CACNA1H: variants seen among roughly 807,000 people sequenced by gnomAD.
CACNA1H encodes calcium voltage-gated channel subunit alpha1 H, also known as voltage-dependent T-type calcium channel subunit alpha-1H.
Under a neutral mutation model 192.5 loss-of-function variants are expected in CACNA1H, and 149 were observed. That is an observed-to-expected ratio of 0.77 (90% CI 0.68 to 0.89). CACNA1H has a LOEUF of 0.89. Among genes scored for constraint, CACNA1H ranks in the 40% least tolerant of loss-of-function variants. The probability of loss-of-function intolerance (pLI) is 0.00; values close to 1 mark genes in which losing one functional copy is unlikely to be tolerated. For missense variants in CACNA1H, 4,257 were observed against 3,423.5 expected (o/e 1.24, Z -6.08); for synonymous variants, 2,202 against 1,475.2 (o/e 1.49, Z -11.29).
chr16:1,197,193 ACT>A (rs1967085913), intron 5 of CACNA1H, among the ~76,000 whole-genome samples: 1 of 152,018 alleles, frequency 6.6e-6, no homozygotes, highest in African/African-American at 2.4e-5. Context: ...ATACTGTGTG[ACT>A]CTGAGCAACT....
chr16:1,211,968 G>C lies in CACNA1H; in HGVS notation c.4589G>C (p.Trp1530Ser), dbSNP rs778555199. Residue 1530 changes from tryptophan to serine, a missense_variant, in exon 25 of 35, where the codon TGG (tryptophan) becomes TCG (serine). Coordinates refer to ENST00000348261, the MANE Select transcript of CACNA1H (RefSeq NM_021098.3). ...CAGCCTGTGCAGAACCACAACCCCT[G>C]GATGCTGCTGTACTTCATCTCCTTC... is the stretch of plus-strand genomic sequence containing the variant. ...DQQPVQNHNP[W>S]MLLYFISFLL... The C allele has an allele frequency of 3.7e-6, 6 of 1,613,494 alleles. No individual in the cohort carries two copies. Among genetic ancestry groups the C allele is most frequent in the Non-Finnish European group, 4.2e-6 (5 of 1,179,660 alleles).
intron 2 of CACNA1H, among the ~76,000 whole-genome samples, chr16:1,194,583 C>T (rs1446749077): frequency 6.6e-6 from 1 of 152,214 alleles, no homozygotes; most frequent in African/African-American, 2.4e-5. Flanking sequence ...CCTACAGCCC[C>T]CCAGCGCGGG....
rs534552228 is a variant in CACNA1H at position 1,165,914 on chromosome 16, C to T, written c.299+11878C>T. 3.0e-4 allele frequency among the ~76,000 whole-genome samples: 46 copies of T among 152,268 alleles called. No homozygotes were observed. The South Asian group carries it at 8.7e-3, about 29-fold the overall frequency. On this transcript the variant is annotated intron_variant, in intron 2 of 34. Coordinates refer to ENST00000348261, the MANE Select transcript of CACNA1H (RefSeq NM_021098.3). ...CCCCTGCTTGGGTGGTGTGTGGGGC[C>T]CGGCCCGGCCGTGTGGGGCAAGAGT...
intron 2 of CACNA1H, among the ~76,000 whole-genome samples, chr16:1,172,492 G>A (rs921686868): frequency 3.9e-5 from 6 of 152,192 alleles, no homozygotes; most frequent in Non-Finnish European, 7.4e-5. Context: ...GTCCCCAGCA[G>A]GACACGTAAG....
chr16:1,193,161 G>A (rs1966765108), intron 2 of CACNA1H, among the ~76,000 whole-genome samples: 2 of 152,222 alleles, frequency 1.3e-5, no homozygotes, highest in African/African-American at 4.8e-5. Flanking sequence ...CTCCCCGCCA[G>A]CCTGTTCCGT....
chr16:1,215,626 C>A lies in CACNA1H; in HGVS notation c.5244+33C>A, dbSNP rs1227091693. ...GAGCCCGCGCCATCCTCAGCGCAGGCCCCCGGAAGACGGGGTTGCAGGGAG... is the reference window on the plus strand; with the variant it reads ...GAGCCCGCGCCATCCTCAGCGCAGGACCCCGGAAGACGGGGTTGCAGGGAG... On this transcript the variant is annotated intron_variant, in intron 30 of 34. Transcript: ENST00000348261. 1.9e-6 allele frequency: 3 copies of A among 1,581,610 alleles called. No homozygotes were observed. In the East Asian group the frequency reaches 6.8e-5, roughly 36 times the overall value.
At chr16:1,199,996 G>A (rs1015084116) in intron 6 of CACNA1H, among the ~76,000 whole-genome samples, 1 of 152,104 alleles carries the variant, frequency 6.6e-6, no homozygotes, top group Non-Finnish European at 1.5e-5. Flanking sequence ...TGTGGACTTG[G>A]GCTGAGGAGA....
intron 10 of CACNA1H, 29 bp downstream of exon 10, chr16:1,204,487 C>A: frequency 6.7e-7 from 1 of 1,503,358 alleles, no homozygotes; most frequent in Non-Finnish European, 8.9e-7. Context: ...ACGGGGTGGG[C>A]TCCCTGTCAG....
chr16:1,201,161 G>A (rs1967836655), intron 8 of CACNA1H, among the ~76,000 whole-genome samples: 1 of 152,158 alleles, frequency 6.6e-6, no homozygotes, highest in South Asian at 2.1e-4. Context: ...GCAGAGTTGG[G>A]TTAATCAGGC....
rs766653951 is a variant in CACNA1H, at chr16:1,167,955, G to A, written c.299+13919G>A. Among the ~76,000 whole-genome samples, 7 of 152,332 alleles carry A rather than the reference G, an allele frequency of 4.6e-5. No individual in the cohort carries two copies. In the South Asian group the frequency reaches 6.2e-4, roughly 14 times the overall value. On this transcript the variant is annotated intron_variant, in intron 2 of 34. Coordinates refer to ENST00000348261, the MANE Select transcript of CACNA1H (RefSeq NM_021098.3). This position sits in a 1 kb window ranked among gnomAD's most constrained non-coding sequence, Gnocchi z 4.2. ...GCCTCAGGAGCCAGGCCTGTTCCCCGGGGCTGCCTGGAGGCGGCCGCTTGT... is the reference window on the plus strand; with the variant it reads ...GCCTCAGGAGCCAGGCCTGTTCCCCAGGGCTGCCTGGAGGCGGCCGCTTGT...
At chr16:1,160,755 C>T (rs1295040400) in intron 2 of CACNA1H, among the ~76,000 whole-genome samples, 5 of 152,174 alleles carry the variant, frequency 3.3e-5, no homozygotes, top group African/African-American at 4.8e-5. Flanking sequence ...CCTCCTTTGT[C>T]CTCTTGCTGC....
At chr16:1,216,860 G>T in intron 30 of CACNA1H, 72 bp from the exon 31 acceptor site, 1 of 1,254,590 alleles carries the variant, frequency 8.0e-7, no homozygotes, top group Non-Finnish European at 1.1e-6. Context: ...CCGAGGCGCC[G>T]AGTGCCCTGC....
At chr16:1,175,003 CAG>C (rs557015696) in intron 2 of CACNA1H, among the ~76,000 whole-genome samples, 98 of 146,830 alleles carry the variant, frequency 6.7e-4, no homozygotes, top group African/African-American at 2.3e-3. Context: ...TGGTGGGTCT[CAG>C]GGCTGCATGG....
At chr16:1,204,938 T>G (rs1455799068) in intron 10 of CACNA1H, among the ~76,000 whole-genome samples, 176 bp from the exon 11 acceptor site, 2 of 3,922 alleles carry the variant, frequency 5.1e-4, no homozygotes, top group Non-Finnish European at 1.0e-3. Context: ...CGGGGAGGGG[T>G]GGGAGCCGCG....
intron 2 of CACNA1H, among the ~76,000 whole-genome samples, chr16:1,193,492 C>G (rs1244172577): frequency 6.6e-6 from 1 of 152,266 alleles, no homozygotes. Flanking sequence ...AAGGCGCTCA[C>G]ACACTCTGGC....
At chr16:1,210,317 C>T in intron 18 of CACNA1H, 53 bp from the exon 19 acceptor site, 1 of 1,472,574 alleles carries the variant, frequency 6.8e-7, no homozygotes, top group South Asian at 1.2e-5. Flanking sequence ...CCCCCATCCA[C>T]TCTGCCATCC....
At chr16:1,201,523 G>A (rs1193723584) in intron 8 of CACNA1H, 140 bp from the exon 9 acceptor site, 4 of 1,039,616 alleles carry the variant, frequency 3.8e-6, no homozygotes, top group Non-Finnish European at 5.5e-6. Context: ...GAACACCGCA[G>A]CAGCCTGCCC....
rs1227939123 is a variant in CACNA1H, at chr16:1,199,134, A to G, written c.803+360A>G. Among the ~76,000 whole-genome samples the G allele has an allele frequency of 1.9e-4, 7 of 36,676 alleles. 1 individual carries two copies. Among genetic ancestry groups the G allele is most frequent in the Non-Finnish European group, 3.3e-4 (6 of 18,244 alleles). The allele number at this position is 36,676 out of a possible 152,430, so 24.1% of individuals were successfully genotyped here. A position where few individuals can be genotyped will look rare whatever the true frequency, so the allele number is the denominator to read the frequency against. ...GCTGCACATATGCCCCACCCCCATC[A>G]TGGCTCCGCCCACCGTGCGGTCGCT... On this transcript the variant is annotated intron_variant, in intron 6 of 34. Coordinates refer to ENST00000348261, the MANE Select transcript of CACNA1H (RefSeq NM_021098.3).
At position 1,153,331 on chromosome 16, in the gene CACNA1H, G is replaced by A. The variant is rs1232350703; in HGVS notation, c.-158G>A. The A allele has an allele frequency of 3.0e-4, 30 of 101,038 alleles. 1 individual carries two copies. The East Asian group carries it at 6.3e-3, about 21-fold the overall frequency. The allele number at this position is 101,038 out of a possible 1,614,324, so 6.3% of individuals were successfully genotyped here. ...GGCGGGCTGGGGACGCGGGCCGGGG[G>A]CGGAGGCGCTGGGGGCCGGGGCCGG... On this transcript the variant is annotated 5_prime_UTR_variant, in exon 1 of 35. Coordinates refer to ENST00000348261, the MANE Select transcript of CACNA1H (RefSeq NM_021098.3).
Sources: allele counts gnomAD v4.1 joint callset (sites outside exome capture counted in the v4.1 genomes callset), GRCh38; gene constraint gnomAD v4.1.1; non-coding constraint Gnocchi (gnomAD v3.1); transcripts MANE v1.5; gene names NCBI Gene and HGNC (gene_info 2026-07-23, HGNC 2026-07-21).